The following ROBO2 variants were observed in gnomAD, a reference collection of about 807,000 sequenced individuals.
The protein encoded by ROBO2 is roundabout guidance receptor 2, also known as roundabout homolog 2.
Under a neutral mutation model 160.8 loss-of-function variants are expected in ROBO2, and 53 were observed. That is an observed-to-expected ratio of 0.33 (90% CI 0.26 to 0.41). The LOEUF (loss-of-function observed/expected upper bound fraction) is 0.41. Among genes scored for constraint, ROBO2 ranks in the 10% least tolerant of loss-of-function variants. The probability of loss-of-function intolerance (pLI) is 1.00; values close to 1 mark genes in which losing one functional copy is unlikely to be tolerated. For missense variants in ROBO2, 1,577 were observed against 1,722.4 expected (o/e 0.92, Z 1.49); for synonymous variants, 664 against 611.7 (o/e 1.09, Z -1.26).
chr3:76,110,658 A>C (rs1487822585), intron 2 of ROBO2, among the ~76,000 whole-genome samples: 1 of 152,124 alleles, frequency 6.6e-6, no homozygotes, highest in Non-Finnish European at 1.5e-5. Flanking sequence ...ATCCCTGTGC[A>C]GTGTGGGATT....
intron 2 of ROBO2, among the ~76,000 whole-genome samples, chr3:76,394,487 A>G (rs1424905730): frequency 6.6e-6 from 1 of 152,134 alleles, no homozygotes; most frequent in Non-Finnish European, 1.5e-5. Flanking sequence ...CTGCCGAGAG[A>G]TCAGCTGTTA....
intron 2 of ROBO2, among the ~76,000 whole-genome samples, chr3:76,492,397 T>C (rs895670556): frequency 1.3e-5 from 2 of 152,138 alleles, no homozygotes; most frequent in Non-Finnish European, 2.9e-5. Flanking sequence ...TGTTCTCTCA[T>C]AGACTCTGCC....
chr3:76,109,333 A>G (rs986717735), intron 2 of ROBO2, among the ~76,000 whole-genome samples: 1 of 152,124 alleles, frequency 6.6e-6, no homozygotes, highest in Non-Finnish European at 1.5e-5. Context: ...TACCTTTTAA[A>G]AAAACTAAAG....
intron 2 of ROBO2, among the ~76,000 whole-genome samples, chr3:76,425,516 G>A (rs199936279): frequency 1.2e-5 from 1 of 86,088 alleles, no homozygotes; most frequent in Admixed American, 1.3e-4. Flanking sequence ...GTGTGTGTGT[G>A]TGTGTGTGTC....
At chr3:77,641,718 A>T (rs548837484) in intron 24 of ROBO2, among the ~76,000 whole-genome samples, 104 of 152,314 alleles carry the variant, frequency 6.8e-4, no homozygotes, top group Middle Eastern at 3.4e-3. Context: ...TGATGTTCAG[A>T]AGATTTCAAA....
chr3:76,681,521 C>G (rs536081138), intron 2 of ROBO2, among the ~76,000 whole-genome samples: 1 of 151,896 alleles, frequency 6.6e-6, no homozygotes, highest in South Asian at 2.1e-4. Flanking sequence ...GCTTATAAGC[C>G]TATTTTGGGT....
At chr3:76,323,654 G>A (rs1466944202) in intron 2 of ROBO2, among the ~76,000 whole-genome samples, 2 of 152,120 alleles carry the variant, frequency 1.3e-5, no homozygotes, top group African/African-American at 4.8e-5. Context: ...GGGCAAACTT[G>A]GAATTGAATG....
intron 2 of ROBO2, among the ~76,000 whole-genome samples, chr3:77,226,915 A>G (rs959460540): frequency 2.6e-5 from 4 of 152,196 alleles, no homozygotes; most frequent in Non-Finnish European, 4.4e-5. Context: ...TCAAAAAATC[A>G]TAAGTCGGTG....
chr3:76,298,736 A>G (rs956366526), intron 2 of ROBO2, among the ~76,000 whole-genome samples: 31 of 152,240 alleles, frequency 2.0e-4, no homozygotes, highest in African/African-American at 7.0e-4. Flanking sequence ...CTTAACCAAG[A>G]TTCCGCCATT....
At chr3:76,949,178 C>A (rs768551661) in intron 2 of ROBO2, among the ~76,000 whole-genome samples, 6 of 151,738 alleles carry the variant, frequency 4.0e-5, no homozygotes, top group Non-Finnish European at 8.8e-5. Context: ...CACATAATTC[C>A]AATACCTGAA....
At chr3:77,550,571 TA>T in intron 7 of ROBO2, among the ~76,000 whole-genome samples, 1 of 152,036 alleles carries the variant, frequency 6.6e-6, no homozygotes, top group Non-Finnish European at 1.5e-5. Flanking sequence ...CCCCATTCTT[TA>T]AAAACACAGA....
chr3:76,500,259 C>T (rs2080386952), intron 2 of ROBO2, among the ~76,000 whole-genome samples: 1 of 152,118 alleles, frequency 6.6e-6, no homozygotes, highest in Non-Finnish European at 1.5e-5. Context: ...GCTGACACTA[C>T]AGGCGAAGGC....
At chr3:76,432,550 GA>G (rs1479128711) in intron 2 of ROBO2, among the ~76,000 whole-genome samples, 9 of 152,090 alleles carry the variant, frequency 5.9e-5, no homozygotes, top group African/African-American at 1.9e-4. Flanking sequence ...GCTATGAGTA[GA>G]AGACTTCAGT....
intron 2 of ROBO2, among the ~76,000 whole-genome samples, chr3:76,860,427 A>C (rs1195708864): frequency 6.6e-6 from 1 of 152,234 alleles, no homozygotes; most frequent in Non-Finnish European, 1.5e-5. Context: ...AGCAGAAGCC[A>C]GGCTTCATGA....
chr3:76,397,898 A>C (rs1223286174), intron 2 of ROBO2, among the ~76,000 whole-genome samples: 1 of 151,952 alleles, frequency 6.6e-6, no homozygotes, highest in Admixed American at 6.6e-5. Context: ...TAGTTCAACC[A>C]TTGTGGAAGT....
chr3:76,112,474 T>A (rs2070278109), intron 2 of ROBO2, among the ~76,000 whole-genome samples: 1 of 151,918 alleles, frequency 6.6e-6, no homozygotes, highest in Non-Finnish European at 1.5e-5. Context: ...TTTTTAGGCT[T>A]ATTCATCTGT....
At chr3:76,032,358 C>T (rs1278207259) in intron 2 of ROBO2, among the ~76,000 whole-genome samples, 1 of 152,112 alleles carries the variant, frequency 6.6e-6, no homozygotes, top group African/African-American at 2.4e-5. Context: ...TTATCTCCTT[C>T]AGTTCTGCTC....
intron 2 of ROBO2, among the ~76,000 whole-genome samples, chr3:76,247,887 A>G (rs531269933): frequency 1.3e-5 from 2 of 152,032 alleles, no homozygotes; most frequent in South Asian, 4.2e-4. Flanking sequence ...AACACATGAA[A>G]AAATGCTCAC....
chr3:77,618,652 G>C (rs1186812883), intron 22 of ROBO2, among the ~76,000 whole-genome samples: 1 of 151,814 alleles, frequency 6.6e-6, no homozygotes, highest in African/African-American at 2.4e-5. Context: ...TAGTCATGGG[G>C]ATAAATAATT....
Sources: gnomAD v4.1 joint callset for allele counts (sites outside exome capture counted in the v4.1 genomes callset) on GRCh38, gnomAD v4.1.1 for gene constraint, MANE v1.5 for transcripts, NCBI Gene and HGNC (gene_info 2026-07-23, HGNC 2026-07-21) for gene names.